Variants in LAMA2 observed in about 807,000 individuals in gnomAD.
LAMA2 encodes the protein laminin subunit alpha-2.
Under a neutral mutation model 364.8 loss-of-function variants are expected in LAMA2, and 269 were observed. The ratio of observed to expected loss-of-function variants is 0.74; its 90% CI spans 0.67 to 0.82. The LOEUF (loss-of-function observed/expected upper bound fraction) is 0.82. LAMA2 is among the 40% of genes least tolerant of loss of function. The pLI, the probability that LAMA2 is intolerant of heterozygous loss-of-function variation, is 0.00. For synonymous variants in LAMA2, 1,379 were observed against 1,370.6 expected, an observed-to-expected ratio of 1.01 and a Z score of -0.14; for missense variants, 3,807 against 3,873.2, an observed-to-expected ratio of 0.98 and a Z score of 0.45.
chr6:128,910,987 T>TTAGATCTCCA (rs1177134003), intron 1 of LAMA2, among the ~76,000 whole-genome samples: 1 of 151,126 alleles, frequency 6.6e-6, no homozygotes, highest in Non-Finnish European at 1.5e-5. Context: ...GGAGGCAGTC[T>TTAGATCTCCA]GCCCGTTCTT....
At chr6:129,324,975 G>T (rs557031959) in intron 28 of LAMA2, among the ~76,000 whole-genome samples, 1 of 152,220 alleles carries the variant, frequency 6.6e-6, no homozygotes, top group African/African-American at 2.4e-5. Context: ...CTGCCTGATT[G>T]CAAAATCCAT....
At chr6:128,943,064 A>G (rs2086190828) in intron 1 of LAMA2, among the ~76,000 whole-genome samples, 1 of 152,134 alleles carries the variant, frequency 6.6e-6, no homozygotes, top group Non-Finnish European at 1.5e-5. Flanking sequence ...GCTATTTTTT[A>G]AGACATATAG....
chr6:128,977,134 C>CTCT (rs5879918), intron 1 of LAMA2, among the ~76,000 whole-genome samples: 148,660 of 152,122 alleles, frequency 0.98, 72,712 homozygotes, highest in East Asian at 1. Context: ...TTTTCAGCCT[C>CTCT]TCTTTTTTAT....
intron 1 of LAMA2, among the ~76,000 whole-genome samples, chr6:128,926,734 C>G (rs140660386): frequency 4.9e-4 from 75 of 152,304 alleles, no homozygotes; most frequent in African/African-American, 1.7e-3. Flanking sequence ...TCTGACCTTT[C>G]TCCTCAGCCC....
intron 21 of LAMA2, among the ~76,000 whole-genome samples, chr6:129,298,845 TAA>T (rs3839401): frequency 1.4e-4 from 21 of 151,598 alleles, no homozygotes; most frequent in African/African-American, 4.6e-4. Context: ...TTCTAATTGA[TAA>T]GTTATTCTAA....
chr6:129,213,252 A>G (rs1050518213), intron 12 of LAMA2, among the ~76,000 whole-genome samples: 1 of 152,196 alleles, frequency 6.6e-6, no homozygotes, highest in Non-Finnish European at 1.5e-5. Flanking sequence ...TCTGGATATA[A>G]CCACAGTTGA....
At chr6:129,200,456 A>G (rs983605771) in intron 12 of LAMA2, among the ~76,000 whole-genome samples, 2 of 147,066 alleles carry the variant, frequency 1.4e-5, no homozygotes, top group African/African-American at 5.1e-5. Context: ...ATGTATATAT[A>G]TACATGTACA....
intron 1 of LAMA2, among the ~76,000 whole-genome samples, chr6:128,942,562 A>T (rs1282628541): frequency 1.3e-5 from 2 of 152,214 alleles, no homozygotes; most frequent in African/African-American, 4.8e-5. Context: ...GTGGGTCTGA[A>T]CACTGTTGTC....
chr6:128,952,572 T>C (rs34590713), intron 1 of LAMA2, among the ~76,000 whole-genome samples: 19,402 of 152,088 alleles, frequency 0.13, 1,550 homozygotes, highest in African/African-American at 0.23. Flanking sequence ...ATTTCATCTA[T>C]ATTTAGGAGA....
intron 33 of LAMA2, 97 bp from the exon 34 acceptor site, chr6:129,369,795 A>G (rs1286018028): frequency 2.0e-6 from 2 of 994,572 alleles, no homozygotes; most frequent in East Asian, 4.8e-5. Flanking sequence ...GAAGGTGAGA[A>G]GGCTAAGTTC....
At chr6:129,116,903 T>C (rs1776514101) in intron 4 of LAMA2, among the ~76,000 whole-genome samples, 1 of 152,052 alleles carries the variant, frequency 6.6e-6, no homozygotes, top group Admixed American at 6.6e-5. Flanking sequence ...TAAAGAAGTG[T>C]ACTTTTTTAT....
intron 8 of LAMA2, chr6:129,158,143 C>T (rs546057480): frequency 1.9e-4 from 301 of 1,612,582 alleles, no homozygotes; most frequent in Non-Finnish European, 2.4e-4. Context: ...GCTCTGGTGT[C>T]CAGCGTAGCA....
rs187830671 is a variant in LAMA2, at chr6:129,320,790, A to G, written c.4176+135A>G. 10 of 694,036 alleles carry G rather than the reference A, an allele frequency of 1.4e-5. No individual in the cohort carries two copies. In the East Asian group the frequency reaches 2.5e-4, roughly 17 times the overall value. 43.0% of individuals were successfully genotyped at this position (694,036 alleles called of 1,614,324 possible). ...ATCTTCCACTCACAGTGTGAGACAC[A>G]GTGGCAAGAGGATAATGTTATTGAT... is the stretch of plus-strand genomic sequence containing the variant. On this transcript the variant is annotated intron_variant, in intron 28 of 64. Transcript: ENST00000421865.
rs1484354624 is a variant in LAMA2 at position 129,366,368 on chromosome 6, T to C, written c.4860+7T>C. 1.2e-6 allele frequency: 2 copies of C among 1,613,220 alleles called. No homozygotes were observed. The highest frequency in any genetic ancestry group is 1.7e-6 in the Non-Finnish European group (2 of 1,179,910). On this transcript the variant is annotated splice_region_variant and intron_variant, in intron 33 of 64. Transcript: ENST00000421865. Reference sequence around the variant, plus strand: ...TATGACTCAGGAGCTAAAGGTAGGTTGGTGCAGTCACAAGCAAGGGCCAGG... The same window carrying C: ...TATGACTCAGGAGCTAAAGGTAGGTCGGTGCAGTCACAAGCAAGGGCCAGG...
At chr6:129,276,305 C>T (rs890458241) in intron 17 of LAMA2, among the ~76,000 whole-genome samples, 7 of 152,024 alleles carry the variant, frequency 4.6e-5, no homozygotes, top group Admixed American at 4.6e-4. Flanking sequence ...ACAGAACATG[C>T]CCTGATTTTC....
rs755168390 is a variant in LAMA2, at chr6:129,464,418, G to A, written c.7121G>A (p.Ser2374Asn). 11 of 1,612,180 alleles carry A rather than the reference G, an allele frequency of 6.8e-6. No homozygotes were observed. The highest frequency in any genetic ancestry group is 1.6e-4 in the Middle Eastern group (1 of 6,074). The change falls in exon 50 of 65, where the codon AGT (serine) becomes AAT (asparagine). Residue 2374 changes from serine (S) to asparagine (N), a missense_variant. By Grantham distance (46) the Ser-to-Asn change is conservative. This residue lies in a region of LAMA2 where 3,333 missense variants were observed against 3,345.7 expected (regional missense o/e 1.00). Coordinates refer to ENST00000421865, the MANE Select transcript of LAMA2 (RefSeq NM_000426.4). Reference sequence around the variant, plus strand: ...TTCAAGTTCAGAACATTTTCTTCGAGTGCTCTTCTGATGTATCTTGCCACA... The same window carrying A: ...TTCAAGTTCAGAACATTTTCTTCGAATGCTCTTCTGATGTATCTTGCCACA... The part of the protein sequence containing the change: ...VMFKFRTFSS[S>N]ALLMYLATRD...
At chr6:129,453,263 TCA>T in intron 46 of LAMA2, 132 bp downstream of exon 46, 1 of 834,734 alleles carries the variant, frequency 1.2e-6, no homozygotes, top group Non-Finnish European at 2.0e-6. Flanking sequence ...TTTGAAAACC[TCA>T]ACGTCTTACC....
chr6:128,900,707 G>A lies in LAMA2; in HGVS notation c.112+17350G>A, dbSNP rs548379498. Among the ~76,000 whole-genome samples the A allele has an allele frequency of 3.7e-4, 56 of 152,208 alleles. No individual in the cohort carries two copies. The South Asian group carries it at 0.011, about 29-fold the overall frequency. On this transcript the variant is annotated intron_variant, in intron 1 of 64. Transcript: ENST00000421865. ...GGAGTTTAACAGCTATTTAAAATAC[G>A]CCCTGCTGCTTTCCTTCCTAGGTTC...
chr6:129,276,306 C>T (rs1440275629), intron 17 of LAMA2, among the ~76,000 whole-genome samples: 1 of 151,970 alleles, frequency 6.6e-6, no homozygotes, highest in Non-Finnish European at 1.5e-5. Context: ...CAGAACATGC[C>T]CTGATTTTCT....
Sources: allele counts gnomAD v4.1 joint callset (sites outside exome capture counted in the v4.1 genomes callset), GRCh38; gene constraint gnomAD v4.1.1; regional missense constraint gnomAD v4.1.1; transcripts MANE v1.5; gene names NCBI Gene and HGNC (gene_info 2026-07-23, HGNC 2026-07-21).